The following SNX31 variants were observed in gnomAD, a reference collection of about 807,000 sequenced individuals.
SNX31 encodes sorting nexin 31.
SNX31 carries 58 observed loss-of-function variants against 65.4 expected under a neutral mutation model. That is an observed-to-expected ratio of 0.89 (90% CI 0.72 to 1.10). The LOEUF is 1.10. SNX31 is among the 50% of genes least tolerant of loss of function. The pLI is 0.00. For synonymous variants in SNX31, 181 were observed against 190.1 expected, an observed-to-expected ratio of 0.95 and a Z score of 0.39; for missense variants, 523 against 529.7, an observed-to-expected ratio of 0.99 and a Z score of 0.12.
intron 1 of SNX31, among the ~76,000 whole-genome samples, chr8:100,657,541 G>T (rs576232671): frequency 9.8e-5 from 15 of 152,322 alleles, no homozygotes; most frequent in Admixed American, 2.6e-4. Context: ...GGTGGAACAG[G>T]CTTGCTGGCC....
At chr8:100,652,517 C>G (rs745595429), upstream of SNX31, among the ~76,000 whole-genome samples, 4 of 152,118 alleles carry the variant, frequency 2.6e-5, no homozygotes, top group Admixed American at 6.6e-5. Flanking sequence ...CCTTATGGAG[C>G]CTAAGCTTAT....
chr8:100,627,299 C>A (rs1449874115), intron 4 of SNX31, among the ~76,000 whole-genome samples: 1 of 152,146 alleles, frequency 6.6e-6, no homozygotes, highest in African/African-American at 2.4e-5. Context: ...TTGTGGTGAG[C>A]CGAGATCATG....
chr8:100,662,974 T>C (rs3016887), intron 1 of SNX31, among the ~76,000 whole-genome samples: 12,193 of 152,106 alleles, frequency 0.08, 1,023 homozygotes, highest in African/African-American at 0.21. Context: ...TGCAACAACA[T>C]GGATGTAGCT....
chr8:100,573,931 T>C lies in SNX31; in HGVS notation c.1257A>G (p.Arg419=). The change falls in exon 14 of 14, where the codon AGA becomes AGG. Residue 419 remains arginine (R), a synonymous_variant. Coordinates refer to ENST00000311812, the MANE Select transcript of SNX31 (RefSeq NM_152628.4). The stretch of plus-strand genomic sequence containing the variant: ...CTTTAGCTATCTTAATCTTGCTTTT[T>C]CTTGATAGAAAACTAGAATAGTCTT... The part of the protein sequence containing the change: ...QQKDYSSFLS[R]KSKIKIAKDD... The C allele has an allele frequency of 1.3e-6, 2 of 1,588,304 alleles. No individual in the cohort carries two copies. The highest frequency in any genetic ancestry group is 1.7e-6 in the Non-Finnish European group (2 of 1,167,742).
chr8:100,605,692 G>A (rs1021216829), intron 8 of SNX31, among the ~76,000 whole-genome samples: 6 of 152,170 alleles, frequency 3.9e-5, no homozygotes, highest in Non-Finnish European at 8.8e-5. Flanking sequence ...AATTCAGTGT[G>A]CCTCCCATGA....
chr8:100,641,565 A>AAAATATATATAT (rs1554587369), intron 2 of SNX31, among the ~76,000 whole-genome samples: 1 of 32,108 alleles, frequency 3.1e-5, no homozygotes, highest in Non-Finnish European at 5.3e-5. Context: ...AAAAAAAAAA[A>AAAATATATATAT]ATATATATAT....
At position 100,578,684 on chromosome 8, in the gene SNX31, TTTTTATTTTATTTTA is replaced by T. The variant is rs138548509; in HGVS notation, c.1171-1624_1171-1610del. ...ACATATTTAAGCCTATTTCAATGAT[TTTTTATTTTATTTTA>T]TTTTATTTTATTTTATTTTATTTTA... On this transcript the variant is annotated intron_variant, in intron 12 of 13. Coordinates refer to ENST00000311812, the MANE Select transcript of SNX31 (RefSeq NM_152628.4). The surrounding 1 kb of genome is among the most constrained non-coding windows in gnomAD (Gnocchi z 4.7). Among the ~76,000 whole-genome samples the T allele has an allele frequency of 1.2e-3, 173 of 145,468 alleles. No homozygotes were observed. The highest frequency in any genetic ancestry group is 2.2e-3 in the African/African-American group (84 of 38,798).
chr8:100,662,221 G>A (rs1245003377), intron 1 of SNX31, among the ~76,000 whole-genome samples: 2 of 152,178 alleles, frequency 1.3e-5, no homozygotes, highest in Non-Finnish European at 2.9e-5. Flanking sequence ...TGAGAAAACT[G>A]CCCAAGGTTA....
At chr8:100,649,199 G>A in intron 2 of SNX31, 75 bp downstream of exon 2, 2 of 1,469,898 alleles carry the variant, frequency 1.4e-6, no homozygotes. Context: ...AGAGTCAGAG[G>A]AACAGAGCGC....
At chr8:100,608,598 G>T in intron 7 of SNX31, 35 bp from the exon 8 acceptor site, 1 of 1,603,878 alleles carries the variant, frequency 6.2e-7, no homozygotes, top group Non-Finnish European at 8.5e-7. Flanking sequence ...TCATTCCTGT[G>T]ACATGGCCCA....
chr8:100,627,317 A>C (rs2131158242), intron 4 of SNX31, among the ~76,000 whole-genome samples: 1 of 152,304 alleles, frequency 6.6e-6, no homozygotes, highest in Middle Eastern at 3.4e-3. Context: ...ATGCCATTGC[A>C]CTGTAGCCTG....
At chr8:100,607,977 G>T (rs1192203595) in intron 8 of SNX31, among the ~76,000 whole-genome samples, 2 of 152,224 alleles carry the variant, frequency 1.3e-5, no homozygotes. Context: ...TGGCTCAGGG[G>T]CAAGAAGGCT....
Position 100,630,370 on chromosome 8 carries a change from A to T in SNX31, c.278T>A (p.Leu93Ter). 6.2e-7 allele frequency: 1 copy of T among 1,613,622 alleles called. No individual in the cohort carries two copies. The highest frequency in any genetic ancestry group is 8.5e-7 in the Non-Finnish European group (1 of 1,179,856). The change falls in exon 4 of 14, where the codon TTG (leucine) becomes TAG (stop). Residue 93 changes from leucine to a stop codon, truncating the protein, a stop_gained. Transcript: ENST00000311812. LOFTEE classifies it high-confidence loss of function. This position sits in a 1 kb window ranked among gnomAD's most constrained non-coding sequence, Gnocchi z 5.3. ...AAACTCAACGAAGACATCACTTCTC[A>T]ACACGTTTGGGTCCATGGTTACTGA... ...LQNVTMDPNV[L>*]RSDVFVEFLK...
At position 100,634,486 on chromosome 8, in the gene SNX31, C is replaced by T. The variant is rs139963194; in HGVS notation, c.256+1411G>A. On this transcript the variant is annotated intron_variant, in intron 3 of 13. Coordinates refer to ENST00000311812, the MANE Select transcript of SNX31 (RefSeq NM_152628.4). ...AGTAGGCCAGGCATGGTGGCTCACC[C>T]CTGTAATCCCAGTACTTTGGGAAGC... Among the ~76,000 whole-genome samples, 3 of 152,182 alleles carry T rather than the reference C, an allele frequency of 2.0e-5. No homozygotes were observed. In the East Asian group the frequency reaches 5.8e-4, roughly 29 times the overall value.
rs193289198 is a variant in SNX31, at chr8:100,615,906, A to G, written c.432+1714T>C. Among the ~76,000 whole-genome samples the G allele has an allele frequency of 9.4e-3, 1,423 of 151,750 alleles. 28 individuals carry two copies. Among genetic ancestry groups the G allele is most frequent in the African/African-American group, 0.032 (1,316 of 41,386 alleles). ...TGCCTCAGCCTCCTGAGTAGCTGGG[A>G]CTACAGGCACCCGCCACCACGCCCG... On this transcript the variant is annotated intron_variant, in intron 5 of 13. Transcript: ENST00000311812.
In SNX31 at chr8:100,610,224, G is replaced by A. The variant is rs1049165058; in HGVS notation, c.612-1661C>T. ...TTTTCTCTTGCACGTATCATCTAGA[G>A]TTTACGTATTTAAAAAAGACATAGG... On this transcript the variant is annotated intron_variant, in intron 7 of 13. Coordinates refer to ENST00000311812, the MANE Select transcript of SNX31 (RefSeq NM_152628.4). This position sits in a 1 kb window ranked among gnomAD's most constrained non-coding sequence, Gnocchi z 4.0. 2.0e-5 allele frequency among the ~76,000 whole-genome samples: 3 copies of A among 152,200 alleles called. No individual in the cohort carries two copies. The highest frequency in any genetic ancestry group is 4.4e-5 in the Non-Finnish European group (3 of 68,034).
chr8:100,611,029 A>C (rs1405496308), intron 7 of SNX31, among the ~76,000 whole-genome samples: 1 of 152,146 alleles, frequency 6.6e-6, no homozygotes, highest in Non-Finnish European at 1.5e-5. Context: ...GCTATTTTCT[A>C]TAATATTTTG....
chr8:100,631,556 G>T (rs1818419612), intron 3 of SNX31, among the ~76,000 whole-genome samples: 1 of 150,832 alleles, frequency 6.6e-6, no homozygotes, highest in African/African-American at 2.4e-5. Flanking sequence ...TCCTGCCTCA[G>T]TCTCTCAAGT....
intron 12 of SNX31, among the ~76,000 whole-genome samples, chr8:100,577,396 T>C (rs1813134701): frequency 6.6e-6 from 1 of 152,264 alleles, no homozygotes; most frequent in South Asian, 2.1e-4. Context: ...GAAATAATTC[T>C]TGGGGTTGCA....
Sources: gnomAD v4.1 joint callset for allele counts (sites outside exome capture counted in the v4.1 genomes callset) on GRCh38, gnomAD v4.1.1 for gene constraint, Gnocchi (gnomAD v3.1) non-coding constraint, MANE v1.5 for transcripts, NCBI Gene and HGNC (gene_info 2026-07-23, HGNC 2026-07-21) for gene names.